The following CHN1 variants were observed in gnomAD, a reference collection of about 807,000 sequenced individuals.
CHN1 encodes chimerin 1.
Under a neutral mutation model 59.5 loss-of-function variants are expected in CHN1, and 37 were observed. The ratio of observed to expected loss-of-function variants is 0.62; its 90% CI spans 0.48 to 0.82. The LOEUF (loss-of-function observed/expected upper bound fraction) is 0.82, where lower values mean the gene tolerates loss of function less well. Among genes scored for constraint, CHN1 ranks in the 40% least tolerant of loss-of-function variants. The probability of loss-of-function intolerance (pLI) is 0.00; values close to 1 mark genes in which losing one functional copy is unlikely to be tolerated. For missense variants in CHN1, 469 were observed against 571.0 expected (o/e 0.82, Z 1.82); for synonymous variants, 206 against 200.4 (o/e 1.03, Z -0.24).
intron 1 of CHN1, among the ~76,000 whole-genome samples, chr2:174,977,871 C>T (rs1376347110): frequency 6.6e-6 from 1 of 151,508 alleles, no homozygotes; most frequent in Non-Finnish European, 1.5e-5. Context: ...TATATAACCC[C>T]CCATTGCTAA....
At chr2:174,875,846 C>G in intron 6 of CHN1, 1 of 984,956 alleles carries the variant, frequency 1.0e-6, no homozygotes, top group Non-Finnish European at 1.2e-6. Flanking sequence ...GGTCATCAAC[C>G]CTGTCCTGTT....
chr2:174,875,747 T>G, intron 6 of CHN1: 5 of 870,232 alleles, frequency 5.7e-6, no homozygotes, highest in Non-Finnish European at 6.9e-6. Flanking sequence ...CTAGTGTCAA[T>G]AGATACCTTA....
At chr2:174,903,830 G>C (rs1478738048) in intron 5 of CHN1, among the ~76,000 whole-genome samples, 1 of 151,990 alleles carries the variant, frequency 6.6e-6, no homozygotes, top group Non-Finnish European at 1.5e-5. Flanking sequence ...TGAGACTACG[G>C]GGGTGGAAAG....
At chr2:174,813,895 T>G (rs1216814200) in intron 8 of CHN1, among the ~76,000 whole-genome samples, 4 of 152,188 alleles carry the variant, frequency 2.6e-5, no homozygotes, top group African/African-American at 9.7e-5. Flanking sequence ...GCCAATGCAT[T>G]CAGGTGCTTT....
At chr2:174,954,238 C>T (rs1017938051) in intron 1 of CHN1, among the ~76,000 whole-genome samples, 1 of 152,024 alleles carries the variant, frequency 6.6e-6, no homozygotes, top group Admixed American at 6.6e-5. Flanking sequence ...ATTGGCAAGC[C>T]ACATGTAGAA....
intron 5 of CHN1, among the ~76,000 whole-genome samples, chr2:174,888,573 G>C (rs563677633): frequency 6.6e-6 from 1 of 152,178 alleles, no homozygotes; most frequent in Non-Finnish European, 1.5e-5. Context: ...ATACCTTTAA[G>C]AGAACTTCAG....
At chr2:174,829,360 T>TCTC (rs1685793041) in intron 7 of CHN1, among the ~76,000 whole-genome samples, 1 of 152,194 alleles carries the variant, frequency 6.6e-6, no homozygotes, top group African/African-American at 2.4e-5. Flanking sequence ...GTGTCATGTG[T>TCTC]CTCCTGGGCA....
intron 5 of CHN1, among the ~76,000 whole-genome samples, chr2:174,902,472 C>A (rs527786637): frequency 6.6e-6 from 1 of 152,224 alleles, no homozygotes; most frequent in South Asian, 2.1e-4. Context: ...TTTTCTAATA[C>A]TGCAGAACTA....
At chr2:174,847,604 TG>T in intron 6 of CHN1, 1 of 1,309,024 alleles carries the variant, frequency 7.6e-7, no homozygotes. Context: ...GCAGGGAAGG[TG>T]GGGGGAAGGG....
chr2:174,803,923 T>G (rs1199371483), intron 11 of CHN1, among the ~76,000 whole-genome samples: 2 of 152,194 alleles, frequency 1.3e-5, no homozygotes, highest in Non-Finnish European at 2.9e-5. Context: ...GAACCCAGTT[T>G]CCTTTTAATT....
At position 174,882,847 on chromosome 2, in the gene CHN1, T is replaced by G. The variant is rs924512476; in HGVS notation, c.261-4719A>C. 3.3e-5 allele frequency among the ~76,000 whole-genome samples: 5 copies of G among 152,286 alleles called. 1 individual carries two copies. Among genetic ancestry groups the G allele is most frequent in the African/African-American group, 1.2e-4 (5 of 41,566 alleles). ...ACAGAAATAAAATATGATGATGCAT[T>G]CGATTAAGTACTACAAAATAAATTT... On this transcript the variant is annotated intron_variant, in intron 5 of 12. Transcript: ENST00000409900.
intron 7 of CHN1, among the ~76,000 whole-genome samples, chr2:174,829,574 GTTCCT>G (rs1315432138): frequency 1.3e-5 from 2 of 152,214 alleles, no homozygotes; most frequent in Non-Finnish European, 2.9e-5. Context: ...AATCTTCATT[GTTCCT>G]TTCAAGTCAA....
chr2:174,893,031 C>T (rs1290320894), intron 5 of CHN1, among the ~76,000 whole-genome samples: 1 of 152,156 alleles, frequency 6.6e-6, no homozygotes, highest in Non-Finnish European at 1.5e-5. Context: ...TGCTGAAAAA[C>T]TGAAAGCTCT....
chr2:174,975,095 A>G (rs1466800301), intron 1 of CHN1, among the ~76,000 whole-genome samples: 1 of 152,214 alleles, frequency 6.6e-6, no homozygotes, highest in African/African-American at 2.4e-5. Context: ...AAACAACTGC[A>G]TATTATTAAC....
chr2:174,821,294 T>C (rs1450261816), intron 8 of CHN1, among the ~76,000 whole-genome samples: 1 of 152,228 alleles, frequency 6.6e-6, no homozygotes, highest in African/African-American at 2.4e-5. Context: ...CCTTGGCTTC[T>C]GGCTCCTTCC....
intron 7 of CHN1, among the ~76,000 whole-genome samples, chr2:174,841,880 C>G (rs1327165980): frequency 6.6e-6 from 1 of 152,034 alleles, no homozygotes; most frequent in African/African-American, 2.4e-5. Flanking sequence ...CCTTCATTTA[C>G]AATACCATTA....
chr2:174,799,788 A>C lies in CHN1; in HGVS notation c.*328T>G, dbSNP rs1358098883. On this transcript the variant is annotated 3_prime_UTR_variant, in exon 13 of 13. Coordinates refer to ENST00000409900, the MANE Select transcript of CHN1 (RefSeq NM_001822.7). ...GAAACATGCTGGATTACAAGCACAGACTACCCAGGACGCAGAGGCGGTGCA... is the reference window on the plus strand; with the variant it reads ...GAAACATGCTGGATTACAAGCACAGCCTACCCAGGACGCAGAGGCGGTGCA... 9.2e-6 allele frequency: 5 copies of C among 544,356 alleles called. No homozygotes were observed. The highest frequency in any genetic ancestry group is 8.8e-5 in the Admixed American group (4 of 45,340). The allele number at this position is 544,356 out of a possible 1,614,324, so 33.7% of individuals were successfully genotyped here.
chr2:174,845,785 G>A (rs1008985953), intron 7 of CHN1, among the ~76,000 whole-genome samples: 1 of 128,282 alleles, frequency 7.8e-6, no homozygotes, highest in African/African-American at 2.8e-5. Flanking sequence ...TATGGGTGGG[G>A]GGGGGGGTGT....
chr2:174,967,938 G>C (rs1343110213), intron 1 of CHN1, among the ~76,000 whole-genome samples: 1 of 152,134 alleles, frequency 6.6e-6, no homozygotes, highest in Non-Finnish European at 1.5e-5. Context: ...CCCTGGCCTG[G>C]GAGTATTTAA....
Sources: gnomAD v4.1 joint callset for allele counts (sites outside exome capture counted in the v4.1 genomes callset) on GRCh38, gnomAD v4.1.1 for gene constraint, MANE v1.5 for transcripts, NCBI Gene and HGNC (gene_info 2026-07-23, HGNC 2026-07-21) for gene names.